PAK2: variants seen among roughly 807,000 people sequenced by gnomAD.
PAK2 encodes the protein serine/threonine-protein kinase PAK 2.
PAK2 carries 21 observed loss-of-function variants against 65.9 expected under a neutral mutation model. The ratio of observed to expected loss-of-function variants is 0.32; its 90% CI spans 0.23 to 0.46. PAK2 has a LOEUF of 0.46. Ranked by LOEUF, PAK2 falls within the 20% of genes least tolerant of loss-of-function variation. PAK2 has a pLI of 1.00. For synonymous variants in PAK2, 204 were observed against 219.7 expected (o/e 0.93, Z 0.63); for missense variants, 324 against 642.6 (o/e 0.50, Z 5.36).
chr3:196,815,096 C>CA (rs1389590107), intron 11 of PAK2, among the ~76,000 whole-genome samples: 1 of 151,894 alleles, frequency 6.6e-6, no homozygotes, highest in Admixed American at 6.6e-5. Context: ...AGGAGAATGG[C>CA]GTGAACCTGG....
At chr3:196,818,408 G>T (rs1445359617) in intron 12 of PAK2, among the ~76,000 whole-genome samples, 2 of 151,978 alleles carry the variant, frequency 1.3e-5, no homozygotes, top group Non-Finnish European at 2.9e-5. Flanking sequence ...TTGTCTTTTT[G>T]AGATGGAGGT....
chr3:196,800,847 C>T (rs1371709738), intron 2 of PAK2, among the ~76,000 whole-genome samples: 1 of 151,872 alleles, frequency 6.6e-6, no homozygotes, highest in East Asian at 1.9e-4. Context: ...AAGAGGAAAA[C>T]GTAAGATCCA....
chr3:196,802,412 A>G (rs1020899006), intron 3 of PAK2, among the ~76,000 whole-genome samples: 11 of 152,174 alleles, frequency 7.2e-5, no homozygotes, highest in African/African-American at 2.4e-4. Context: ...AAAAAAAGGG[A>G]AATTAACATT....
At chr3:196,805,212 C>G (rs571233954) in intron 4 of PAK2, 140 bp from the exon 5 acceptor site, 2 of 572,066 alleles carry the variant, frequency 3.5e-6, no homozygotes, top group Admixed American at 7.8e-5. Flanking sequence ...TGACTACTTG[C>G]GTGTTCATTT....
intron 2 of PAK2, among the ~76,000 whole-genome samples, chr3:196,801,526 C>T (rs1006809282): frequency 6.6e-6 from 1 of 152,102 alleles, no homozygotes; most frequent in African/African-American, 2.4e-5. Context: ...AACTTTGATC[C>T]TAATATGTTT....
intron 1 of PAK2, among the ~76,000 whole-genome samples, chr3:196,754,744 C>T (rs984432905): frequency 2.0e-5 from 3 of 152,210 alleles, no homozygotes; most frequent in African/African-American, 4.8e-5. Flanking sequence ...TACCTGCACA[C>T]GGGCGCAGAC....
At chr3:196,811,665 C>T (rs1715830581) in intron 8 of PAK2, among the ~76,000 whole-genome samples, 1 of 151,884 alleles carries the variant, frequency 6.6e-6, no homozygotes. Flanking sequence ...TATGGATGAC[C>T]ATCACAAATC....
chr3:196,759,489 G>C (rs112126915), intron 1 of PAK2, among the ~76,000 whole-genome samples: 1 of 98,852 alleles, frequency 1.0e-5, no homozygotes, highest in African/African-American at 4.3e-5. Context: ...CAGTTAAGTG[G>C]TTTTTTTTGT....
chr3:196,789,553 C>T (rs1715000811), intron 2 of PAK2, among the ~76,000 whole-genome samples: 1 of 151,968 alleles, frequency 6.6e-6, no homozygotes, highest in Non-Finnish European at 1.5e-5. Flanking sequence ...ACCTCCGCCT[C>T]CTGGGTACAA....
At chr3:196,815,364 C>T (rs9755972) in intron 11 of PAK2, among the ~76,000 whole-genome samples, 20,571 of 151,148 alleles carry the variant, frequency 0.14, 1,962 homozygotes, top group African/African-American at 0.27. Flanking sequence ...TGGTGGTGCA[C>T]GCCTGTAATC....
At chr3:196,802,936 G>A in intron 3 of PAK2, 81 bp from the exon 4 acceptor site, 3 of 903,392 alleles carry the variant, frequency 3.3e-6, no homozygotes, top group Non-Finnish European at 4.9e-6. Context: ...TTTGTTTTGT[G>A]TATTTTGTCA....
intron 1 of PAK2, among the ~76,000 whole-genome samples, chr3:196,777,405 T>A (rs1577714850): frequency 2.0e-5 from 3 of 152,130 alleles, no homozygotes; most frequent in Non-Finnish European, 4.4e-5. Context: ...GGTTTCAGCA[T>A]GTTGGCCAGG....
At chr3:196,810,987 C>G (rs1185426766) in intron 8 of PAK2, among the ~76,000 whole-genome samples, 1 of 151,940 alleles carries the variant, frequency 6.6e-6, no homozygotes, top group Non-Finnish European at 1.5e-5. Context: ...GCATTTAAAT[C>G]ATGTCATTGT....
chr3:196,779,899 G>A (rs1714651027), intron 1 of PAK2, among the ~76,000 whole-genome samples: 1 of 152,236 alleles, frequency 6.6e-6, no homozygotes, highest in Admixed American at 6.5e-5. Flanking sequence ...TCGAACTCAT[G>A]ACCCCAAGCA....
intron 12 of PAK2, among the ~76,000 whole-genome samples, chr3:196,818,478 T>A (rs1311487962): frequency 6.6e-6 from 1 of 152,202 alleles, no homozygotes; most frequent in African/African-American, 2.4e-5. Context: ...GCGATTCTCC[T>A]GCCTCAGCCT....
intron 1 of PAK2, among the ~76,000 whole-genome samples, chr3:196,744,173 G>A (rs1713295875): frequency 1.3e-5 from 2 of 152,106 alleles, no homozygotes; most frequent in African/African-American, 2.4e-5. Context: ...GGAATTTGAG[G>A]TCAGCCAGGA....
intron 1 of PAK2, among the ~76,000 whole-genome samples, chr3:196,758,649 T>G (rs926690177): frequency 5.9e-5 from 9 of 152,130 alleles, no homozygotes; most frequent in East Asian, 1.9e-4. Flanking sequence ...TTTTATTTTA[T>G]TTTATTTTAG....
intron 1 of PAK2, among the ~76,000 whole-genome samples, chr3:196,756,363 G>A (rs1713769212): frequency 6.6e-6 from 1 of 151,376 alleles, no homozygotes; most frequent in African/African-American, 2.4e-5. Context: ...GGTTTTTTTT[G>A]CCTAATTACT....
intron 13 of PAK2, among the ~76,000 whole-genome samples, chr3:196,824,192 T>C (rs967132121): frequency 1.3e-5 from 2 of 151,956 alleles, no homozygotes; most frequent in Non-Finnish European, 1.5e-5. Context: ...AACTAAGAAA[T>C]AAAGGTCTCC....
Sources: gnomAD v4.1 joint callset for allele counts (sites outside exome capture counted in the v4.1 genomes callset) on GRCh38, gnomAD v4.1.1 for gene constraint, MANE v1.5 for transcripts, NCBI Gene and HGNC (gene_info 2026-07-23, HGNC 2026-07-21) for gene names.